KCNIP4: variants seen among roughly 807,000 people sequenced by gnomAD.
KCNIP4 encodes Kv channel-interacting protein 4.
A neutral mutation model predicts 34.0 loss-of-function variants in KCNIP4; 12 were observed. That is an observed-to-expected ratio of 0.35 (90% confidence interval 0.23 to 0.57). KCNIP4 has a LOEUF of 0.57. Ranked by LOEUF, KCNIP4 falls within the 20% of genes least tolerant of loss-of-function variation. The probability of loss-of-function intolerance (pLI) is 0.83; values close to 1 mark genes in which losing one functional copy is unlikely to be tolerated. For missense variants in KCNIP4, 238 were observed against 311.7 expected, an observed-to-expected ratio of 0.76 and a Z score of 1.78; for synonymous variants, 124 against 102.2, an observed-to-expected ratio of 1.21 and a Z score of -1.29.
At chr4:21,597,799 C>T (rs1168783007) in intron 1 of KCNIP4, among the ~76,000 whole-genome samples, 1 of 152,020 alleles carries the variant, frequency 6.6e-6, no homozygotes, top group Non-Finnish European at 1.5e-5. Context: ...CCAGACAATG[C>T]AGGTTTTTAG....
intron 2 of KCNIP4, among the ~76,000 whole-genome samples, chr4:20,875,314 C>T (rs984503832): frequency 6.6e-6 from 1 of 152,190 alleles, no homozygotes; most frequent in Non-Finnish European, 1.5e-5. Context: ...TACTCCCATG[C>T]CTCTTGCTGA....
intron 1 of KCNIP4, among the ~76,000 whole-genome samples, chr4:21,786,508 T>C (rs11723164): frequency 0.11 from 13,815 of 131,322 alleles, 649 homozygotes; most frequent in Middle Eastern, 0.19. Context: ...CCAGGCTGTA[T>C]GTTTATTTAT....
chr4:21,817,780 A>G (rs1294283021), intron 1 of KCNIP4, among the ~76,000 whole-genome samples: 5 of 152,134 alleles, frequency 3.3e-5, no homozygotes, highest in African/African-American at 1.2e-4. Context: ...GTAATTTGTG[A>G]TCAGACTGGT....
intron 1 of KCNIP4, among the ~76,000 whole-genome samples, chr4:21,786,320 A>T (rs1368411616): frequency 6.6e-6 from 1 of 152,134 alleles, no homozygotes; most frequent in Admixed American, 6.5e-5. Context: ...ACCTTTTGAG[A>T]TACTTGTCCA....
At chr4:21,329,113 A>G (rs1272090224) in intron 1 of KCNIP4, among the ~76,000 whole-genome samples, 1 of 152,228 alleles carries the variant, frequency 6.6e-6, no homozygotes, top group Non-Finnish European at 1.5e-5. Flanking sequence ...TAAACCTAAC[A>G]TCTGAATAAT....
chr4:21,871,952 A>G (rs1449904138), intron 1 of KCNIP4, among the ~76,000 whole-genome samples: 2 of 151,898 alleles, frequency 1.3e-5, no homozygotes, highest in African/African-American at 4.8e-5. Context: ...TCCCTGCACC[A>G]ATTGGAATAG....
At chr4:21,133,993 A>G (rs1751303487) in intron 1 of KCNIP4, among the ~76,000 whole-genome samples, 1 of 152,130 alleles carries the variant, frequency 6.6e-6, no homozygotes, top group Admixed American at 6.5e-5. Flanking sequence ...TTCTTTCCCC[A>G]GTTGCTTGGA....
chr4:21,475,682 GA>G (rs1468979016), intron 1 of KCNIP4, among the ~76,000 whole-genome samples: 1 of 152,108 alleles, frequency 6.6e-6, no homozygotes, highest in African/African-American at 2.4e-5. Context: ...AACAGTCCTC[GA>G]AATGCAAATT....
chr4:21,851,646 C>G (rs1724404361), intron 1 of KCNIP4: 1 of 152,120 alleles, frequency 6.6e-6, no homozygotes, highest in Non-Finnish European at 1.5e-5. Flanking sequence ...TAAGGGGGCA[C>G]ACCTTAAGAC....
chr4:21,893,095 T>C (rs1398912707), intron 1 of KCNIP4, among the ~76,000 whole-genome samples: 1 of 152,186 alleles, frequency 6.6e-6, no homozygotes, highest in Non-Finnish European at 1.5e-5. Flanking sequence ...AACAAATATC[T>C]GACGAGTAAG....
chr4:21,713,103 G>C (rs74576988), intron 1 of KCNIP4, among the ~76,000 whole-genome samples: 1 of 152,140 alleles, frequency 6.6e-6, no homozygotes, highest in Non-Finnish European at 1.5e-5. Flanking sequence ...AAAATGCCTA[G>C]GCCTCAATTT....
intron 1 of KCNIP4, among the ~76,000 whole-genome samples, chr4:20,938,564 A>G (rs1303474142): frequency 6.6e-6 from 1 of 152,186 alleles, no homozygotes; most frequent in Non-Finnish European, 1.5e-5. Flanking sequence ...GTTGTTGGTC[A>G]TTGAGCATAA....
At chr4:21,117,104 G>T (rs905379419) in intron 1 of KCNIP4, among the ~76,000 whole-genome samples, 8 of 152,016 alleles carry the variant, frequency 5.3e-5, no homozygotes, top group African/African-American at 1.9e-4. Context: ...TTTCACAAAC[G>T]GGGAAAGTGA....
At chr4:21,591,357 A>AAAAACAAAACAAAAC (rs773858028) in intron 1 of KCNIP4, among the ~76,000 whole-genome samples, 1 of 152,208 alleles carries the variant, frequency 6.6e-6, no homozygotes, top group East Asian at 1.9e-4. Flanking sequence ...AAGAAAACAC[A>AAAAACAAAACAAAAC]AAAACAAAAC....
At chr4:20,793,255 C>G (rs1713009916) in intron 3 of KCNIP4, among the ~76,000 whole-genome samples, 1 of 152,070 alleles carries the variant, frequency 6.6e-6, no homozygotes. Flanking sequence ...AAATGAACAA[C>G]AGTGATACAT....
intron 1 of KCNIP4, among the ~76,000 whole-genome samples, chr4:21,239,161 T>C (rs1759603132): frequency 6.6e-6 from 1 of 151,678 alleles, no homozygotes; most frequent in East Asian, 1.9e-4. Flanking sequence ...CTGGGAAAAC[T>C]GGCTAGCCAT....
chr4:21,514,076 T>TATTA (rs1236835844), intron 1 of KCNIP4, among the ~76,000 whole-genome samples: 1 of 152,132 alleles, frequency 6.6e-6, no homozygotes, highest in Non-Finnish European at 1.5e-5. Flanking sequence ...AAAGTGAAGG[T>TATTA]ATTAGCCTTG....
chr4:20,837,335 C>A (rs1307100582), intron 3 of KCNIP4, among the ~76,000 whole-genome samples: 1 of 152,152 alleles, frequency 6.6e-6, no homozygotes, highest in African/African-American at 2.4e-5. Flanking sequence ...ATTGAAAAGA[C>A]TTCCAAAGCT....
chr4:21,847,995 G>C (rs190790545), intron 1 of KCNIP4: 19 of 152,108 alleles, frequency 1.2e-4, no homozygotes, highest in Non-Finnish European at 2.2e-4. Flanking sequence ...CTTCATCTTG[G>C]CTATTTGACT....
Sources: allele counts gnomAD v4.1 joint callset (sites outside exome capture counted in the v4.1 genomes callset), GRCh38; gene constraint gnomAD v4.1.1; transcripts MANE v1.5; gene names NCBI Gene and HGNC (gene_info 2026-07-23, HGNC 2026-07-21).